Variants in COL20A1 observed in about 807,000 individuals in gnomAD.
The protein encoded by COL20A1 is collagen alpha-1(XX) chain.
Under a neutral mutation model 152.9 loss-of-function variants are expected in COL20A1, and 164 were observed. That is an observed-to-expected ratio of 1.07 (90% CI 0.94 to 1.22). The LOEUF (loss-of-function observed/expected upper bound fraction) is 1.22, where lower values mean the gene tolerates loss of function less well. Ranked by LOEUF, COL20A1 falls within the 50% of genes most tolerant of loss-of-function variation. The pLI is 0.00. For synonymous variants in COL20A1, 864 were observed against 756.0 expected (o/e 1.14, Z -2.34); for missense variants, 1,873 against 1,744.8 (o/e 1.07, Z -1.31).
At chr20:63,298,059 C>A in intron 3 of COL20A1, 39 bp downstream of exon 3, 1 of 1,441,698 alleles carries the variant, frequency 6.9e-7, no homozygotes, top group Non-Finnish European at 9.6e-7. Flanking sequence ...TCCCCATTAG[C>A]ACGTGCCGAG....
At chr20:63,310,325 C>T (rs2067987883) in intron 10 of COL20A1, 56 bp from the exon 11 acceptor site, 1 of 1,585,462 alleles carries the variant, frequency 6.3e-7, no homozygotes. Flanking sequence ...TCCTGTCCTG[C>T]TCCCCATCCC....
At position 63,319,650 on chromosome 20, in the gene COL20A1, C is replaced by G; in HGVS notation, c.2916+54C>G. ...CCGTTCCCCCAGCTCTGGGGCAGCC[C>G]AGCCCCACAGGGACCTGCCGGATGC... is the stretch of plus-strand genomic sequence containing the variant. On this transcript the variant is annotated intron_variant, in intron 23 of 35. Transcript: ENST00000358894. The surrounding 1 kb of genome is among the most constrained non-coding windows in gnomAD (Gnocchi z 4.4). The G allele has an allele frequency of 7.7e-7, 1 of 1,298,114 alleles. No homozygotes were observed. Among genetic ancestry groups the G allele is most frequent in the Non-Finnish European group, 1.1e-6 (1 of 922,702 alleles). The allele number at this position is 1,298,114 out of a possible 1,614,324, so 80.4% of individuals were successfully genotyped here.
Position 63,313,967 on chromosome 20 carries a change from A to G in COL20A1, c.2358+76A>G. ...AGGGGTATGGCCACACTGTCTGCGA[A>G]GGGTGGCAGCTCTGCCATGGCGGGA... On this transcript the variant is annotated intron_variant, in intron 18 of 35. Coordinates refer to ENST00000358894, the MANE Select transcript of COL20A1 (RefSeq NM_020882.4). This position sits in a 1 kb window ranked among gnomAD's most constrained non-coding sequence, Gnocchi z 5.9. 4 of 1,593,576 alleles carry G rather than the reference A, an allele frequency of 2.5e-6. No homozygotes were observed. The Admixed American group carries it at 6.8e-5, about 27-fold the overall frequency.
chr20:63,329,375 G>C (rs1404363650), intron 34 of COL20A1: 3 of 581,906 alleles, frequency 5.2e-6, no homozygotes, highest in Non-Finnish European at 9.2e-6. Context: ...ACCTGGCCAT[G>C]CCCCCCCAGA....
At chr20:63,330,618 G>A (rs776215017) in intron 35 of COL20A1, 102 bp from the exon 36 acceptor site, 2 of 152,302 alleles carry the variant, frequency 1.3e-5, no homozygotes, top group Non-Finnish European at 2.9e-5. Flanking sequence ...CAGAGACCCA[G>A]GATGCGGGCT....
At chr20:63,304,172 C>T (rs1601407752) in intron 3 of COL20A1, among the ~76,000 whole-genome samples, 1 of 107,304 alleles carries the variant, frequency 9.3e-6, no homozygotes, top group Non-Finnish European at 1.9e-5. Flanking sequence ...TCCCTCCCTT[C>T]CTCCCTCCAG....
At chr20:63,315,104 G>A (rs1017989463) in intron 19 of COL20A1, among the ~76,000 whole-genome samples, 2 of 152,198 alleles carry the variant, frequency 1.3e-5, no homozygotes, top group African/African-American at 4.8e-5. Flanking sequence ...CAGTACCCTC[G>A]AAGGGTATCA....
chr20:63,295,699 C>T (rs578104729), intron 2 of COL20A1, among the ~76,000 whole-genome samples: 4 of 152,360 alleles, frequency 2.6e-5, no homozygotes, highest in Non-Finnish European at 5.9e-5. Flanking sequence ...GTTTGGGTAA[C>T]GTAGGGCACC....
chr20:63,326,799 A>G lies in COL20A1; in HGVS notation c.3504A>G (p.Gly1168=), dbSNP rs770413854. ...AGARGTSGER[G]PPGTVGPTGL... ...CCAGGGGCACTAGTGGAGAGCGAGGACCTCCAGGGACCGTGGGGCCCACAG... is the reference window on the plus strand; with the variant it reads ...CCAGGGGCACTAGTGGAGAGCGAGGGCCTCCAGGGACCGTGGGGCCCACAG... The change falls in exon 31 of 36, where the codon GGA becomes GGG. Residue 1168 remains glycine, a synonymous_variant. Coordinates refer to ENST00000358894, the MANE Select transcript of COL20A1 (RefSeq NM_020882.4). The G allele has an allele frequency of 1.1e-5, 17 of 1,499,468 alleles. No individual in the cohort carries two copies. The Admixed American group carries it at 4.9e-4, about 43-fold the overall frequency. The allele number at this position is 1,499,468 out of a possible 1,614,324, so 92.9% of individuals were successfully genotyped here.
chr20:63,320,190 C>T lies in COL20A1; in HGVS notation c.3068C>T (p.Ser1023Leu), dbSNP rs756781542. The T allele has an allele frequency of 2.9e-5, 46 of 1,578,682 alleles. No homozygotes were observed. The highest frequency in any genetic ancestry group is 3.1e-5 in the Non-Finnish European group (36 of 1,165,360). Residue 1023 changes from serine (S) to leucine (L), a missense_variant, in exon 24 of 36, where the codon TCG becomes TTG. Ser to Leu is a moderately radical substitution (Grantham distance 145, BLOSUM62 -2). Transcript: ENST00000358894. ...AAGGCCAGGGGCCCCCGGAGCAGTTCGGCCGCGGTGAGTTGGGCCCTGCCC... is the reference window on the plus strand; with the variant it reads ...AAGGCCAGGGGCCCCCGGAGCAGTTTGGCCGCGGTGAGTTGGGCCCTGCCC... ...LAKARGPRSS[S>L]AAFQLQMLQI...
At position 63,316,660 on chromosome 20, in the gene COL20A1, T is replaced by C; in HGVS notation, c.2632T>C (p.Phe878Leu). The C allele has an allele frequency of 6.4e-7, 1 of 1,574,294 alleles. No homozygotes were observed. Among genetic ancestry groups the C allele is most frequent in the Non-Finnish European group, 8.6e-7 (1 of 1,160,706 alleles). ...CGGTGGGACCCCGACCTTCACGCTCTTCAAGGACGCCCAGCTGACAAGACG... is the reference window on the plus strand; with the variant it reads ...CGGTGGGACCCCGACCTTCACGCTCCTCAAGGACGCCCAGCTGACAAGACG... ...AFGGTPTFTL[F>L]KDAQLTRRVS... Residue 878 changes from phenylalanine to leucine, a missense_variant, in exon 21 of 36, where the codon TTC (phenylalanine) becomes CTC (leucine). By Grantham distance (22) the Phe-to-Leu change is conservative (BLOSUM62 0). Transcript: ENST00000358894.
At chr20:63,310,141 C>T (rs1274753155) in intron 10 of COL20A1, among the ~76,000 whole-genome samples, 2 of 152,090 alleles carry the variant, frequency 1.3e-5, no homozygotes, top group South Asian at 2.1e-4. Context: ...GGGGGCGTTC[C>T]GAGGGTGCTG....
intron 3 of COL20A1, among the ~76,000 whole-genome samples, chr20:63,301,539 G>A (rs560683416): frequency 6.6e-6 from 1 of 152,306 alleles, no homozygotes; most frequent in Non-Finnish European, 1.5e-5. Context: ...AATTGTAGAT[G>A]TGTCTTTCTT....
Position 63,305,602 on chromosome 20 carries a change from C to A in COL20A1, c.337+42C>A. On this transcript the variant is annotated intron_variant, in intron 4 of 35. Transcript: ENST00000358894. The surrounding 1 kb of genome is among the most constrained non-coding windows in gnomAD (Gnocchi z 4.9). ...CCAGCTGGGTACCCACTCCTCCAGG[C>A]CGGGTCCCACCCTCCTCTGGGCTGG... 1 of 1,546,054 alleles carries A rather than the reference C, an allele frequency of 6.5e-7. No homozygotes were observed. The highest frequency in any genetic ancestry group is 8.7e-7 in the Non-Finnish European group (1 of 1,147,832).
At chr20:63,316,721 G>A in intron 21 of COL20A1, 30 bp downstream of exon 21, 1 of 1,494,816 alleles carries the variant, frequency 6.7e-7, no homozygotes, top group African/African-American at 1.4e-5. Flanking sequence ...GGTGGAGCTG[G>A]AAGCCCAGGC....
At chr20:63,295,695 G>T (rs760190007) in intron 2 of COL20A1, among the ~76,000 whole-genome samples, 2 of 152,246 alleles carry the variant, frequency 1.3e-5, no homozygotes, top group African/African-American at 4.8e-5. Context: ...GGGCGTTTGG[G>T]TAACGTAGGG....
rs1046950902 is a variant in COL20A1 at position 63,331,427 on chromosome 20, C to T, written c.*711C>T. The T allele has an allele frequency of 6.6e-6, 1 of 152,356 alleles. No homozygotes were observed. Among genetic ancestry groups the T allele is most frequent in the African/African-American group, 2.4e-5 (1 of 41,460 alleles). 9.4% of individuals were successfully genotyped at this position (152,356 alleles called of 1,614,324 possible). A position where few individuals can be genotyped will look rare whatever the true frequency, so the allele number is the denominator to read the frequency against. On this transcript the variant is annotated 3_prime_UTR_variant, in exon 36 of 36. Transcript: ENST00000358894. ...CTGAGTTCCTTGTGCAGGGACATTG[C>T]TTTGAGACTTGGCACCATCAGCCCC...
rs747270147 is a variant in COL20A1 at position 63,320,398 on chromosome 20, G to A, written c.3153+30G>A. 11 of 1,606,206 alleles carry A rather than the reference G, an allele frequency of 6.8e-6. No homozygotes were observed. The East Asian group carries it at 8.9e-5, about 13-fold the overall frequency. ...GCCCCGTCCCTTGCCCCTGTTCCAC[G>A]AAGCAAGTTAGGGCAAGTGCCCACT... On this transcript the variant is annotated intron_variant, in intron 25 of 35. Coordinates refer to ENST00000358894, the MANE Select transcript of COL20A1 (RefSeq NM_020882.4).
At chr20:63,322,155 C>T (rs1053471105) in intron 27 of COL20A1, 44 bp downstream of exon 27, 17 of 1,427,868 alleles carry the variant, frequency 1.2e-5, no homozygotes, top group Non-Finnish European at 1.5e-5. Context: ...CTGGATCGTA[C>T]CTACCAGAAG....
Sources: allele counts gnomAD v4.1 joint callset (sites outside exome capture counted in the v4.1 genomes callset), GRCh38; gene constraint gnomAD v4.1.1; non-coding constraint Gnocchi (gnomAD v3.1); transcripts MANE v1.5; gene names NCBI Gene and HGNC (gene_info 2026-07-23, HGNC 2026-07-21).